Variants in PIKFYVE observed in about 807,000 individuals in gnomAD.
PIKFYVE encodes the protein phosphoinositide kinase, FYVE-type zinc finger containing, also known as 1-phosphatidylinositol 3-phosphate 5-kinase.
Under a neutral mutation model 257.9 loss-of-function variants are expected in PIKFYVE, and 122 were observed. That is an observed-to-expected ratio of 0.47 (90% confidence interval 0.41 to 0.55). The LOEUF (loss-of-function observed/expected upper bound fraction) is 0.55. PIKFYVE is among the 20% of genes least tolerant of loss of function. The pLI, the probability that PIKFYVE is intolerant of heterozygous loss-of-function variation, is 0.00. For missense variants in PIKFYVE, 2,160 were observed against 2,536.6 expected, an observed-to-expected ratio of 0.85 and a Z score of 3.19; for synonymous variants, 892 against 868.9, an observed-to-expected ratio of 1.03 and a Z score of -0.47.
intron 5 of PIKFYVE, among the ~76,000 whole-genome samples, chr2:208,283,581 G>GCT (rs111721282): frequency 6.8e-6 from 1 of 147,026 alleles, no homozygotes; most frequent in African/African-American, 2.5e-5. Context: ...CACTTCTTTT[G>GCT]TTTTTTTTTT....
At chr2:208,277,341 C>G (rs1475049860) in intron 4 of PIKFYVE, among the ~76,000 whole-genome samples, 196 bp from the exon 5 acceptor site, 1 of 152,118 alleles carries the variant, frequency 6.6e-6, no homozygotes, top group Non-Finnish European at 1.5e-5. Flanking sequence ...AAGAATAAGT[C>G]TTGATGGCTG....
intron 15 of PIKFYVE, among the ~76,000 whole-genome samples, chr2:208,315,747 C>T (rs1023070787): frequency 3.3e-5 from 5 of 151,900 alleles, no homozygotes; most frequent in Admixed American, 6.6e-5. Flanking sequence ...TTGTCCCACT[C>T]GTGGCCTGTG....
chr2:208,300,538 A>C (rs1693554135), intron 8 of PIKFYVE, among the ~76,000 whole-genome samples: 1 of 151,962 alleles, frequency 6.6e-6, no homozygotes. Context: ...TTTTTAAAAA[A>C]CTCATCTGTC....
chr2:208,266,302 G>T lies in PIKFYVE; in HGVS notation c.-123G>T, dbSNP rs1688614978. On this transcript the variant is annotated 5_prime_UTR_variant, in exon 1 of 42. Coordinates refer to ENST00000264380, the MANE Select transcript of PIKFYVE (RefSeq NM_015040.4). Reference sequence around the variant, plus strand: ...AGCAGCTTCGCTTCCTGCCGCAACCGTCCGCGGCCTGAGGAGCCCACCGCC... The same window carrying T: ...AGCAGCTTCGCTTCCTGCCGCAACCTTCCGCGGCCTGAGGAGCCCACCGCC... 6.6e-6 allele frequency: 1 copy of T among 152,246 alleles called. No homozygotes were observed. Among genetic ancestry groups the T allele is most frequent in the Non-Finnish European group, 1.5e-5 (1 of 68,092 alleles). The allele number at this position is 152,246 out of a possible 1,614,324, so 9.4% of individuals were successfully genotyped here.
chr2:208,330,595 C>G lies in PIKFYVE; in HGVS notation c.3864C>G (p.Gly1288=). Reference sequence around the variant, plus strand: ...ATCATATTCGGCGCTTTGTTCATGGCCAAGGCTGTGTGCAGATAATCCTGA... The same window carrying G: ...ATCATATTCGGCGCTTTGTTCATGGGCAAGGCTGTGTGCAGATAATCCTGA... ...MVHHIRRFVH[G]QGCVQIILKE... The change falls in exon 23 of 42, where the codon GGC becomes GGG. Residue 1288 remains glycine, a synonymous_variant. Transcript: ENST00000264380. 2.5e-6 allele frequency: 4 copies of G among 1,614,160 alleles called. No homozygotes were observed. The highest frequency in any genetic ancestry group is 3.4e-6 in the Non-Finnish European group (4 of 1,180,024).
At chr2:208,296,149 C>T (rs1692952740) in intron 7 of PIKFYVE, among the ~76,000 whole-genome samples, 1 of 152,010 alleles carries the variant, frequency 6.6e-6, no homozygotes, top group African/African-American at 2.4e-5. Context: ...GGATTACAGG[C>T]ACCTGCTAGC....
rs186165682 is a variant in PIKFYVE at position 208,295,385 on chromosome 2, G to C, written c.912-3256G>C. 9.9e-5 allele frequency among the ~76,000 whole-genome samples: 15 copies of C among 152,166 alleles called. No homozygotes were observed. In the East Asian group the frequency reaches 2.5e-3, roughly 25 times the overall value. On this transcript the variant is annotated intron_variant, in intron 7 of 41. Transcript: ENST00000264380. ...CATTTCTATTATGTAATATACTGTA[G>C]GTATTCTGATTTTGCCAATTGTCCT...
intron 21 of PIKFYVE, 65 bp downstream of exon 21, chr2:208,328,345 A>G (rs1213244573): frequency 4.4e-6 from 7 of 1,591,380 alleles, no homozygotes; most frequent in East Asian, 2.2e-5. Context: ...AAAAAAAAAC[A>G]AAAACAAAAA....
intron 38 of PIKFYVE, 144 bp downstream of exon 38, chr2:208,351,599 A>T: frequency 1.2e-6 from 1 of 802,600 alleles, no homozygotes; most frequent in South Asian, 1.4e-5. Flanking sequence ...TATTTGGCTC[A>T]TAGTTCTGCA....
At chr2:208,330,039 C>A in intron 22 of PIKFYVE, 126 bp downstream of exon 22, 1 of 1,261,446 alleles carries the variant, frequency 7.9e-7, no homozygotes, top group Non-Finnish European at 1.1e-6. Flanking sequence ...TAGTGCATAT[C>A]AGAGTATATC....
chr2:208,305,030 A>G lies in PIKFYVE; in HGVS notation c.1636+17A>G. ...ACCAAAAAGGTAGGAGGTAGTCACC[A>G]TCTGGAATCCAAACACAGGCTGGAC... is the stretch of plus-strand genomic sequence containing the variant. On this transcript the variant is annotated intron_variant, in intron 12 of 41. Transcript: ENST00000264380. 6.2e-7 allele frequency: 1 copy of G among 1,613,986 alleles called. No homozygotes were observed. Among genetic ancestry groups the G allele is most frequent in the Non-Finnish European group, 8.5e-7 (1 of 1,179,956 alleles).
Position 208,326,351 on chromosome 2 carries a change from A to C in PIKFYVE, c.3540A>C (p.Ser1180=), listed in dbSNP as rs775297977. Residue 1180 remains serine (S), a synonymous_variant, in exon 20 of 42, where the codon TCA becomes TCC. Coordinates refer to ENST00000264380, the MANE Select transcript of PIKFYVE (RefSeq NM_015040.4). ...ATTCAAAGGATGCATCAAGTACTTC[A>C]AGTGGCCAATCAGGAAGCAAAAATG... ...FAHSKDASST[S]SGQSGSKNEG... is the part of the protein sequence containing the mutation. 1.2e-6 allele frequency: 2 copies of C among 1,613,890 alleles called. No homozygotes were observed. The highest frequency in any genetic ancestry group is 3.3e-5 in the Admixed American group (2 of 59,968).
chr2:208,334,170 A>G (rs1456276162), intron 24 of PIKFYVE, among the ~76,000 whole-genome samples: 2 of 152,208 alleles, frequency 1.3e-5, no homozygotes, highest in East Asian at 3.8e-4. Flanking sequence ...TACCAACTCT[A>G]CCACTACCAC....
rs1364968742 is a variant in PIKFYVE, at chr2:208,326,265, C to T, written c.3454C>T (p.Leu1152=). Residue 1152 remains leucine, a synonymous_variant, in exon 20 of 42, where the codon CTG becomes TTG. Transcript: ENST00000264380. ...LGDSQSLGRM[L]ADYRARGGRI... is the part of the protein sequence containing the mutation. The stretch of plus-strand genomic sequence containing the variant: ...CGATAGCCAGAGCTTGGGTAGAATG[C>T]TGGCCGATTATCGAGCCAGAGGAGG... The T allele has an allele frequency of 1.3e-6, 2 of 1,592,728 alleles. No homozygotes were observed. Among genetic ancestry groups the T allele is most frequent in the African/African-American group, 2.7e-5 (2 of 74,230 alleles).
At position 208,296,702 on chromosome 2, in the gene PIKFYVE, C is replaced by T. The variant is rs115644590; in HGVS notation, c.912-1939C>T. 3.4e-3 allele frequency among the ~76,000 whole-genome samples: 517 copies of T among 152,046 alleles called. 3 individuals carry two copies. Among genetic ancestry groups the T allele is most frequent in the African/African-American group, 0.012 (495 of 41,462 alleles). ...AATCAAGAGAAACCAGAAAAGGAGACGGGGAGAGGCCAGTGAGGGGACAGG... is the reference window on the plus strand; with the variant it reads ...AATCAAGAGAAACCAGAAAAGGAGATGGGGAGAGGCCAGTGAGGGGACAGG... On this transcript the variant is annotated intron_variant, in intron 7 of 41. Coordinates refer to ENST00000264380, the MANE Select transcript of PIKFYVE (RefSeq NM_015040.4).
intron 30 of PIKFYVE, 127 bp from the exon 31 acceptor site, chr2:208,339,884 A>G: frequency 8.6e-7 from 1 of 1,162,806 alleles, no homozygotes; most frequent in Non-Finnish European, 1.2e-6. Context: ...TTGATCAGAA[A>G]TTTTAAACTG....
rs1209633586 is a variant in PIKFYVE at position 208,326,371 on chromosome 2, A to G, written c.3560A>G (p.Lys1187Arg). 1 of 1,614,022 alleles carries G rather than the reference A, an allele frequency of 6.2e-7. No homozygotes were observed. Residue 1187 changes from lysine to arginine, a missense_variant, in exon 20 of 42, where the codon AAA becomes AGA. This residue lies in a region of PIKFYVE where 522 missense variants were observed against 514.6 expected (regional missense o/e 1.01). Coordinates refer to ENST00000264380, the MANE Select transcript of PIKFYVE (RefSeq NM_015040.4). Reference protein sequence around the residue: ...SSTSSGQSGSKNEGDEERGLI... With the variant: ...SSTSSGQSGSRNEGDEERGLI... ...ACTTCAAGTGGCCAATCAGGAAGCA[A>G]AAATGAGGGTGATGAAGAGAGAGGG...
chr2:208,342,563 T>C lies in PIKFYVE; in HGVS notation c.4941T>C (p.Asp1647=), dbSNP rs375398516. ...YNPIPFPFDP[D]KHYLMYEHER... ...TTAAAAATTTGCATAGTGATCCAGA[T>C]AAACACTACTTAATGTATGAACATG... Residue 1647 remains aspartate, a synonymous_variant, in exon 32 of 42, where the codon GAT becomes GAC. Coordinates refer to ENST00000264380, the MANE Select transcript of PIKFYVE (RefSeq NM_015040.4). 19 of 1,613,284 alleles carry C rather than the reference T, an allele frequency of 1.2e-5. No homozygotes were observed. The African/African-American group carries it at 2.5e-4, about 22-fold the overall frequency.
At chr2:208,297,878 CTT>C (rs1186462853) in intron 7 of PIKFYVE, among the ~76,000 whole-genome samples, 2 of 149,898 alleles carry the variant, frequency 1.3e-5, no homozygotes, top group Non-Finnish European at 3.0e-5. Context: ...TGTTTGGTAA[CTT>C]TACCAAGAGT....
Sources: allele counts gnomAD v4.1 joint callset (sites outside exome capture counted in the v4.1 genomes callset), GRCh38; gene constraint gnomAD v4.1.1; regional missense constraint gnomAD v4.1.1; transcripts MANE v1.5; gene names NCBI Gene and HGNC (gene_info 2026-07-23, HGNC 2026-07-21).